The following ROBO2 variants were observed in gnomAD, a reference collection of about 807,000 sequenced individuals.
The protein encoded by ROBO2 is roundabout guidance receptor 2, also known as roundabout homolog 2.
A neutral mutation model predicts 160.8 loss-of-function variants in ROBO2; 53 were observed. The observed-to-expected ratio is 0.33, with a 90% CI of 0.26 to 0.41. ROBO2 has a LOEUF of 0.41. ROBO2 is among the 10% of genes least tolerant of loss of function. ROBO2 has a pLI of 1.00. For missense variants in ROBO2, 1,577 were observed against 1,722.4 expected, an observed-to-expected ratio of 0.92 and a Z score of 1.49; for synonymous variants, 664 against 611.7, an observed-to-expected ratio of 1.09 and a Z score of -1.26.
At chr3:77,045,783 C>G (rs191280701) in intron 1 of ROBO2, among the ~76,000 whole-genome samples, 2 of 152,302 alleles carry the variant, frequency 1.3e-5, no homozygotes, top group East Asian at 3.9e-4. Context: ...ATCCCTCCAC[C>G]AACCACAAGA....
At chr3:76,787,044 T>G (rs28525246) in intron 2 of ROBO2, among the ~76,000 whole-genome samples, 1,538 of 151,058 alleles carry the variant, frequency 0.01, 20 homozygotes, top group African/African-American at 0.034. Flanking sequence ...AGAGGGAAGT[T>G]CTACATATGT....
At chr3:76,881,315 CTA>C (rs763395811) in intron 2 of ROBO2, among the ~76,000 whole-genome samples, 1 of 152,134 alleles carries the variant, frequency 6.6e-6, no homozygotes, top group Non-Finnish European at 1.5e-5. Context: ...AAATGTATTT[CTA>C]TGTCTTAGAG....
intron 1 of ROBO2, among the ~76,000 whole-genome samples, chr3:77,092,590 AATAATATAT>A (rs1006596210): frequency 7.3e-6 from 1 of 137,174 alleles, no homozygotes; most frequent in Admixed American, 7.5e-5. Flanking sequence ...ATTTTAATTA[AATAATATAT>A]ATTTTAATAT....
chr3:77,513,851 C>A (rs534135091), intron 5 of ROBO2, among the ~76,000 whole-genome samples: 118 of 151,788 alleles, frequency 7.8e-4, no homozygotes, highest in African/African-American at 2.8e-3. Flanking sequence ...GATTGGGTTG[C>A]ATTTTTCAGC....
intron 2 of ROBO2, among the ~76,000 whole-genome samples, chr3:77,343,573 A>AT (rs2067302004): frequency 6.6e-6 from 1 of 152,170 alleles, no homozygotes. Flanking sequence ...GGGGCTTAGG[A>AT]TCTAAAGAAT....
At chr3:77,010,832 TCCTC>T (rs373227994) in intron 2 of ROBO2, among the ~76,000 whole-genome samples, 22 of 126,514 alleles carry the variant, frequency 1.7e-4, no homozygotes, top group South Asian at 1.0e-3. Context: ...CTTCCTTCCT[TCCTC>T]CCTCCCTCCC....
chr3:76,272,111 A>G (rs1214971263), intron 2 of ROBO2, among the ~76,000 whole-genome samples: 2 of 152,170 alleles, frequency 1.3e-5, no homozygotes, highest in Admixed American at 6.6e-5. Context: ...TTATTATTGC[A>G]AAGTTATTAT....
chr3:76,810,256 T>C (rs1350693845), intron 2 of ROBO2, among the ~76,000 whole-genome samples: 1 of 152,042 alleles, frequency 6.6e-6, no homozygotes, highest in East Asian at 1.9e-4. Context: ...GCAGTCAACG[T>C]CCTAAGGAAT....
rs549474774 is a variant in ROBO2, at chr3:75,920,041, T to G, written c.-14+13081T>G. Among the ~76,000 whole-genome samples, 60 of 152,296 alleles carry G rather than the reference T, an allele frequency of 3.9e-4. 1 individual carries two copies. In the East Asian group the frequency reaches 0.01, roughly 25 times the overall value. On this transcript the variant is annotated intron_variant, in intron 1 of 26. Coordinates refer to the ROBO2 transcript ENST00000487694. ...TTTTTCGTGTTTCTCTCCCATTCAG[T>G]TCTGCTGTGATCTTAGTTATTTCTT...
intron 2 of ROBO2, among the ~76,000 whole-genome samples, chr3:76,779,132 T>G (rs1028270488): frequency 6.6e-6 from 1 of 151,088 alleles, no homozygotes; most frequent in Non-Finnish European, 1.5e-5. Context: ...TGGAGGCATT[T>G]TCTTCATTGG....
chr3:77,467,711 T>A (rs1046842965), intron 2 of ROBO2, among the ~76,000 whole-genome samples: 2 of 151,666 alleles, frequency 1.3e-5, no homozygotes, highest in Non-Finnish European at 2.9e-5. Flanking sequence ...CTTAAAACAA[T>A]CTGGTGTTTC....
At chr3:76,682,524 CAGCCTCCTG>C (rs1420408608) in intron 2 of ROBO2, among the ~76,000 whole-genome samples, 1 of 152,062 alleles carries the variant, frequency 6.6e-6, no homozygotes, top group Non-Finnish European at 1.5e-5. Flanking sequence ...TTCTCTGCCT[CAGCCTCCTG>C]AGTAGCTGGG....
chr3:76,484,482 G>A (rs1166387914), intron 2 of ROBO2, among the ~76,000 whole-genome samples: 1 of 152,174 alleles, frequency 6.6e-6, no homozygotes, highest in Non-Finnish European at 1.5e-5. Context: ...AGTCGGCTAT[G>A]CAGCACGGAA....
rs192775732 is a variant in ROBO2, at chr3:77,117,371, A to T, written c.388+19031A>T. Among the ~76,000 whole-genome samples the T allele has an allele frequency of 1.3e-3, 205 of 152,300 alleles. 2 individuals are homozygous for T. Among genetic ancestry groups the T allele is most frequent in the Middle Eastern group, 3.4e-3 (1 of 292 alleles). ...CCAACTCAAATACCTATGATACTAA[A>T]TCTTTTAAATTATAAACAAGATGTG... is the stretch of plus-strand genomic sequence containing the variant. On this transcript the variant is annotated intron_variant, in intron 2 of 25. Coordinates refer to ENST00000461745, the Ensembl canonical transcript of ROBO2.
rs1210206190 is a variant in ROBO2 at position 76,534,760 on chromosome 3, A to G, written c.110-563254A>G. ...GTATATGAGTAAAGTCAATTTGCCA[A>G]TCTTGTGTCAGAGTAAATCCAAGAG... On this transcript the variant is annotated intron_variant, in intron 2 of 26. Coordinates refer to the ROBO2 transcript ENST00000487694. 2.6e-5 allele frequency among the ~76,000 whole-genome samples: 4 copies of G among 152,112 alleles called. No individual in the cohort carries two copies. The East Asian group carries it at 7.7e-4, about 29-fold the overall frequency.
At chr3:77,591,196 T>C (rs982882364) in intron 17 of ROBO2, among the ~76,000 whole-genome samples, 2 of 152,104 alleles carry the variant, frequency 1.3e-5, no homozygotes, top group Admixed American at 1.3e-4. Flanking sequence ...ATTTGATGGA[T>C]TTTTTATACT....
chr3:75,999,114 C>G (rs2065810996), intron 2 of ROBO2, among the ~76,000 whole-genome samples: 1 of 152,058 alleles, frequency 6.6e-6, no homozygotes, highest in Non-Finnish European at 1.5e-5. Context: ...TTGGGTCAGG[C>G]TAGTTACTAT....
intron 2 of ROBO2, among the ~76,000 whole-genome samples, chr3:76,562,682 A>G (rs2084270354): frequency 6.6e-6 from 1 of 152,116 alleles, no homozygotes; most frequent in Non-Finnish European, 1.5e-5. Context: ...TCTGCCATTC[A>G]TTTTTATCTG....
chr3:77,110,762 C>T (rs1417367714), intron 2 of ROBO2, among the ~76,000 whole-genome samples: 4 of 151,816 alleles, frequency 2.6e-5, no homozygotes, highest in Admixed American at 6.6e-5. Context: ...GGCGTGATCA[C>T]AGCACACTGC....
Sources: allele counts gnomAD v4.1 joint callset (sites outside exome capture counted in the v4.1 genomes callset), GRCh38; gene constraint gnomAD v4.1.1; transcripts MANE v1.5; gene names NCBI Gene and HGNC (gene_info 2026-07-23, HGNC 2026-07-21).